The following SLC25A20 variants were observed in gnomAD, a reference collection of about 807,000 sequenced individuals.
SLC25A20 encodes mitochondrial carnitine/acylcarnitine carrier protein.
Under a neutral mutation model 39.7 loss-of-function variants are expected in SLC25A20, and 29 were observed. The ratio of observed to expected loss-of-function variants is 0.73; its 90% CI spans 0.54 to 1.00. The LOEUF (loss-of-function observed/expected upper bound fraction) is 1.00. Among genes scored for constraint, SLC25A20 ranks in the 50% least tolerant of loss-of-function variants. The pLI is 0.00. For synonymous variants in SLC25A20, 103 were observed against 142.2 expected, an observed-to-expected ratio of 0.72 and a Z score of 1.96; for missense variants, 333 against 379.9, an observed-to-expected ratio of 0.88 and a Z score of 1.03.
chr3:48,862,501 G>A, intron 5 of SLC25A20, 41 bp downstream of exon 5: 1 of 1,313,020 alleles, frequency 7.6e-7, no homozygotes. Flanking sequence ...CACCTCAGGT[G>A]ACCTCCCCAG....
At chr3:48,863,565 G>A (rs776343836) in intron 4 of SLC25A20, among the ~76,000 whole-genome samples, 8 of 152,176 alleles carry the variant, frequency 5.3e-5, no homozygotes, top group Non-Finnish European at 1.0e-4. Context: ...CAGGGATCCC[G>A]CTTGTTCAGG....
chr3:48,895,696 T>G (rs1031742226), intron 1 of SLC25A20: 5 of 440,476 alleles, frequency 1.1e-5, no homozygotes, highest in African/African-American at 8.1e-5. Flanking sequence ...GCAACAGAGG[T>G]GACACGTAAG....
At chr3:48,884,887 A>T (rs1313925633) in intron 2 of SLC25A20, among the ~76,000 whole-genome samples, 1 of 149,932 alleles carries the variant, frequency 6.7e-6, no homozygotes, top group Non-Finnish European at 1.5e-5. Context: ...AGAAGAGATT[A>T]TTAAGTAAAA....
At chr3:48,882,035 G>C (rs903442026) in intron 3 of SLC25A20, among the ~76,000 whole-genome samples, 4 of 152,166 alleles carry the variant, frequency 2.6e-5, no homozygotes, top group Admixed American at 6.6e-5. Context: ...ATGGCGCCCT[G>C]GGCTTCCTCC....
chr3:48,880,756 C>T (rs1307905734), intron 3 of SLC25A20, among the ~76,000 whole-genome samples: 1 of 151,426 alleles, frequency 6.6e-6, no homozygotes, highest in African/African-American at 2.4e-5. Context: ...TTTGTAGAGA[C>T]AGAGTTTCGC....
intron 4 of SLC25A20, among the ~76,000 whole-genome samples, chr3:48,874,963 G>A (rs550957262): frequency 6.7e-6 from 1 of 150,302 alleles, no homozygotes; most frequent in Non-Finnish European, 1.5e-5. Flanking sequence ...ACGGGAGGCT[G>A]AGGCAGGAGG....
chr3:48,889,602 A>G (rs1310347868), intron 2 of SLC25A20, among the ~76,000 whole-genome samples: 7 of 151,584 alleles, frequency 4.6e-5, no homozygotes, highest in Non-Finnish European at 1.0e-4. Context: ...TTTTTTTGAG[A>G]CAGAGTTTCA....
intron 1 of SLC25A20, among the ~76,000 whole-genome samples, chr3:48,897,669 A>G (rs1048352852): frequency 6.6e-6 from 1 of 152,104 alleles, no homozygotes; most frequent in Non-Finnish European, 1.5e-5. Flanking sequence ...GAAAGGCAGC[A>G]AAGAGCTTGC....
chr3:48,891,140 GGACC>G (rs1489851449), intron 2 of SLC25A20, among the ~76,000 whole-genome samples: 3 of 151,350 alleles, frequency 2.0e-5, no homozygotes, highest in African/African-American at 7.3e-5. Context: ...CCGTAGGGCT[GGACC>G]CTACACTGCA....
intron 2 of SLC25A20, among the ~76,000 whole-genome samples, chr3:48,886,783 C>G (rs1179080566): frequency 2.0e-5 from 3 of 152,038 alleles, no homozygotes; most frequent in African/African-American, 4.8e-5. Context: ...GAGTTCAAGA[C>G]CAGCCTGGGT....
At chr3:48,888,763 T>C (rs1274847524) in intron 2 of SLC25A20, among the ~76,000 whole-genome samples, 1 of 151,860 alleles carries the variant, frequency 6.6e-6, no homozygotes, top group Non-Finnish European at 1.5e-5. Context: ...GCTATAAATT[T>C]AGAGACTATA....
intron 1 of SLC25A20, among the ~76,000 whole-genome samples, chr3:48,896,023 C>T (rs2083907538): frequency 1.3e-5 from 2 of 151,674 alleles, no homozygotes; most frequent in South Asian, 4.2e-4. Flanking sequence ...ACCTATAATC[C>T]CAGCTACTCA....
chr3:48,892,581 C>A (rs983692404), intron 1 of SLC25A20, among the ~76,000 whole-genome samples: 2 of 152,180 alleles, frequency 1.3e-5, no homozygotes, highest in Admixed American at 6.6e-5. Context: ...TGATTCAGTT[C>A]AAGTCTGAAG....
At chr3:48,877,121 C>T (rs1008850403) in intron 4 of SLC25A20, among the ~76,000 whole-genome samples, 2 of 151,264 alleles carry the variant, frequency 1.3e-5, no homozygotes, top group Non-Finnish European at 3.0e-5. Flanking sequence ...AGGCCAGGCA[C>T]GGTGGCTCAC....
intron 3 of SLC25A20, among the ~76,000 whole-genome samples, chr3:48,881,034 A>G (rs889718829): frequency 6.6e-6 from 1 of 152,182 alleles, no homozygotes; most frequent in African/African-American, 2.4e-5. Flanking sequence ...GCCTCCAACA[A>G]CTGAGCCTTC....
chr3:48,858,947 C>T, intron 7 of SLC25A20, 145 bp downstream of exon 7: 1 of 726,392 alleles, frequency 1.4e-6, no homozygotes, highest in Non-Finnish European at 2.4e-6. Flanking sequence ...ATGCAAATGA[C>T]TGTGAGGGAG....
At chr3:48,879,748 A>G (rs2083785364) in intron 3 of SLC25A20, among the ~76,000 whole-genome samples, 2 of 152,212 alleles carry the variant, frequency 1.3e-5, no homozygotes, top group African/African-American at 4.8e-5. Context: ...ATAGTAAAAC[A>G]TGGCTTCCAT....
In SLC25A20 at chr3:48,898,745, C is replaced by G. The variant is rs550225133; in HGVS notation, c.50G>C (p.Gly17Ala). The G allele has an allele frequency of 6.2e-7, 1 of 1,608,370 alleles. No individual in the cohort carries two copies. The highest frequency in any genetic ancestry group is 8.5e-7 in the Non-Finnish European group (1 of 1,177,854). The change falls in exon 1 of 9, where the codon GGC becomes GCC. Residue 17 changes from glycine to alanine, a missense_variant. Transcript: ENST00000319017. ...CACCAGGCACACGCCGCCAAAGCCG[C>G]CGGCCAGCAGGTTCTTGAGCGGGCT... Reference protein sequence around the residue: ...PISPLKNLLAGGFGGVCLVFV... With the variant: ...PISPLKNLLAAGFGGVCLVFV...
intron 2 of SLC25A20, among the ~76,000 whole-genome samples, chr3:48,891,530 C>T (rs922013453): frequency 1.3e-5 from 2 of 152,054 alleles, no homozygotes; most frequent in African/African-American, 4.8e-5. Flanking sequence ...CGCTACCATG[C>T]CCCTCTAATT....
Sources: allele counts gnomAD v4.1 joint callset (sites outside exome capture counted in the v4.1 genomes callset), GRCh38; gene constraint gnomAD v4.1.1; transcripts MANE v1.5; gene names NCBI Gene and HGNC (gene_info 2026-07-23, HGNC 2026-07-21).